Variants in GPHN observed in about 807,000 individuals in gnomAD.
GPHN encodes gephyrin.
Under a neutral mutation model 95.5 loss-of-function variants are expected in GPHN, and 17 were observed. The observed-to-expected ratio is 0.18, with a 90% CI of 0.12 to 0.27. The LOEUF (loss-of-function observed/expected upper bound fraction) is 0.27, where lower values mean the gene tolerates loss of function less well. Ranked by LOEUF, GPHN falls within the 10% of genes least tolerant of loss-of-function variation. The probability of loss-of-function intolerance (pLI) is 1.00; values close to 1 mark genes in which losing one functional copy is unlikely to be tolerated. For missense variants in GPHN, 660 were observed against 978.1 expected (o/e 0.67, Z 4.34); for synonymous variants, 320 against 322.5 (o/e 0.99, Z 0.08).
chr14:66,637,684 C>T lies in GPHN; in HGVS notation c.65-43423C>T, dbSNP rs188484797. On this transcript the variant is annotated intron_variant, in intron 1 of 22. Coordinates refer to ENST00000478722, the MANE Select transcript of GPHN (RefSeq NM_020806.5). ...CTTAAGTTCCAGAAATATAGTCTAG[C>T]TGAAAAATCAAAATCATGTGTATTA... 3.9e-5 allele frequency among the ~76,000 whole-genome samples: 6 copies of T among 152,140 alleles called. No homozygotes were observed. In the East Asian group the frequency reaches 9.6e-4, roughly 24 times the overall value.
chr14:67,553,098 C>T, the GPHN span, among the ~76,000 whole-genome samples: 4 of 152,200 alleles, frequency 2.6e-5, no homozygotes, highest in African/African-American at 9.6e-5. Flanking sequence ...CCTTGGTCTC[C>T]ATTTGCAAAA....
At chr14:66,615,911 AG>A (rs893785503) in intron 1 of GPHN, among the ~76,000 whole-genome samples, 2 of 151,992 alleles carry the variant, frequency 1.3e-5, no homozygotes, top group African/African-American at 4.8e-5. Flanking sequence ...GGTGTAAGGA[AG>A]GGTCCAGTTT....
At chr14:67,138,408 G>A (rs960213537) in intron 17 of GPHN, among the ~76,000 whole-genome samples, 4 of 152,142 alleles carry the variant, frequency 2.6e-5, no homozygotes, top group East Asian at 1.9e-4. Flanking sequence ...TACCCTGCTT[G>A]CTTTATGTGA....
At chr14:66,830,513 A>C (rs868099380) in intron 4 of GPHN, among the ~76,000 whole-genome samples, 3 of 152,174 alleles carry the variant, frequency 2.0e-5, no homozygotes, top group African/African-American at 7.2e-5. Context: ...GGAATGCCTC[A>C]TAACAAAAGT....
intron 21 of GPHN, among the ~76,000 whole-genome samples, chr14:67,171,658 C>G (rs933205128): frequency 6.6e-6 from 1 of 152,100 alleles, no homozygotes; most frequent in African/African-American, 2.4e-5. Context: ...CCCATCCCCC[C>G]CTCACAAACA....
intron 9 of GPHN, among the ~76,000 whole-genome samples, chr14:66,971,968 C>T (rs1318012279): frequency 6.6e-6 from 1 of 152,094 alleles, no homozygotes; most frequent in Non-Finnish European, 1.5e-5. Context: ...CTAATTTATG[C>T]TTTGAAGCTA....
At chr14:67,498,165 G>C in the GPHN span, among the ~76,000 whole-genome samples, 1 of 152,050 alleles carries the variant, frequency 6.6e-6, no homozygotes, top group African/African-American at 2.4e-5. Context: ...ATTAATCTCT[G>C]TTCCCGATCC....
the GPHN span, chr14:67,569,690 T>C: frequency 1.8e-6 from 1 of 567,258 alleles, no homozygotes; most frequent in Non-Finnish European, 3.2e-6. Flanking sequence ...GAGGAAAAAA[T>C]GGTTAAAGGT....
intron 2 of GPHN, among the ~76,000 whole-genome samples, chr14:66,728,765 G>A (rs1471851997): frequency 6.6e-6 from 1 of 152,174 alleles, no homozygotes; most frequent in Non-Finnish European, 1.5e-5. Context: ...TATCTCAGAT[G>A]AGACTTTGGG....
chr14:66,694,055 T>G (rs943269116), intron 2 of GPHN, among the ~76,000 whole-genome samples: 46 of 152,224 alleles, frequency 3.0e-4, no homozygotes, highest in Non-Finnish European at 2.1e-4. Flanking sequence ...ATAAATATAG[T>G]TGCTGTGGTC....
chr14:67,665,773 T>C, the GPHN span, among the ~76,000 whole-genome samples: 2 of 152,166 alleles, frequency 1.3e-5, no homozygotes, highest in African/African-American at 4.8e-5. Flanking sequence ...TCATTCATTG[T>C]TGTGTGCCAC....
the GPHN span, among the ~76,000 whole-genome samples, chr14:67,191,420 A>T: frequency 6.6e-6 from 1 of 152,226 alleles, no homozygotes; most frequent in South Asian, 2.1e-4. Context: ...AGGACATTTT[A>T]GGGGCATGTA....
At chr14:67,159,559 G>A in intron 19 of GPHN, 71 bp downstream of exon 19, 1 of 830,710 alleles carries the variant, frequency 1.2e-6, no homozygotes, top group Non-Finnish European at 2.2e-6. Context: ...ATTTTTAAAT[G>A]CCTTCTTTTT....
chr14:67,337,440 A>C, the GPHN span: 1 of 151,766 alleles, frequency 6.6e-6, no homozygotes, highest in Non-Finnish European at 1.5e-5. Flanking sequence ...TGAATTGAGG[A>C]GGCGGACGTT....
In GPHN at chr14:67,181,152, GGCAAATTTTTCCTTTCTT is replaced by G; in HGVS notation, c.*223_*240del. On this transcript the variant is annotated 3_prime_UTR_variant, in exon 23 of 23. Transcript: ENST00000478722. The stretch of plus-strand genomic sequence containing the variant: ...GAAAATTCTGTTCTGATTATATCAA[GGCAAATTTTTCCTTTCTT>G]GCAAATTGCTTTGTGTGTTCAATGC... 1 of 600,308 alleles carries G rather than the reference GGCAAATTTTTCCTTTCTT, an allele frequency of 1.7e-6. No individual in the cohort carries two copies. Among genetic ancestry groups the G allele is most frequent in the Non-Finnish European group, 2.9e-6 (1 of 344,728 alleles). The allele number at this position is 600,308 out of a possible 1,614,324, so 37.2% of individuals were successfully genotyped here. A position where few individuals can be genotyped will look rare whatever the true frequency, so the allele number is the denominator to read the frequency against.
intron 2 of GPHN, among the ~76,000 whole-genome samples, chr14:66,722,973 C>A (rs954917552): frequency 6.6e-6 from 1 of 152,112 alleles, no homozygotes; most frequent in Non-Finnish European, 1.5e-5. Context: ...CCTTAACAAA[C>A]CCACATCCTT....
chr14:66,916,485 T>G (rs531236627), intron 6 of GPHN, among the ~76,000 whole-genome samples: 5 of 151,666 alleles, frequency 3.3e-5, no homozygotes, highest in East Asian at 1.9e-4. Context: ...AGAGTTTTTT[T>G]TTTTTTTTTT....
chr14:66,918,543 A>T (rs545152345), intron 6 of GPHN, among the ~76,000 whole-genome samples: 150 of 152,302 alleles, frequency 9.8e-4, no homozygotes, highest in Non-Finnish European at 1.7e-3. Context: ...CAGATGAATG[A>T]AAGTCCATGT....
intron 2 of GPHN, among the ~76,000 whole-genome samples, chr14:66,749,442 C>G (rs1257798832): frequency 6.6e-6 from 1 of 151,834 alleles, no homozygotes; most frequent in Non-Finnish European, 1.5e-5. Context: ...GTAGCTATAC[C>G]ATTTTGCATT....
Sources: allele counts gnomAD v4.1 joint callset (sites outside exome capture counted in the v4.1 genomes callset), GRCh38; gene constraint gnomAD v4.1.1; transcripts MANE v1.5; gene names NCBI Gene and HGNC (gene_info 2026-07-23, HGNC 2026-07-21).